DPYD: variants seen among roughly 807,000 people sequenced by gnomAD.
DPYD encodes the protein dihydropyrimidine dehydrogenase [NADP(+)].
In DPYD, 109 loss-of-function variants were observed where a neutral mutation model predicts 116.2. The observed-to-expected ratio is 0.94, with a 90% CI of 0.80 to 1.10. The LOEUF (loss-of-function observed/expected upper bound fraction) is 1.10, where lower values mean the gene tolerates loss of function less well. Among genes scored for constraint, DPYD ranks in the 50% least tolerant of loss-of-function variants. The pLI is 0.00. For missense variants in DPYD, 1,302 were observed against 1,254.5 expected (o/e 1.04, Z -0.57); for synonymous variants, 440 against 432.0 (o/e 1.02, Z -0.23).
At chr1:97,497,320 C>CT (rs1162087050) in intron 13 of DPYD, among the ~76,000 whole-genome samples, 2 of 151,974 alleles carry the variant, frequency 1.3e-5, no homozygotes, top group East Asian at 3.9e-4. Context: ...TCCTGTAACA[C>CT]TTTCTTCCAA....
intron 11 of DPYD, among the ~76,000 whole-genome samples, chr1:97,567,874 C>CT (rs34884630): frequency 3.3e-5 from 5 of 149,900 alleles, no homozygotes; most frequent in African/African-American, 4.9e-5. Flanking sequence ...ATGGAGATTT[C>CT]TTTTTTTTTT....
At chr1:97,452,254 C>T (rs1676458216) in intron 13 of DPYD, among the ~76,000 whole-genome samples, 1 of 152,112 alleles carries the variant, frequency 6.6e-6, no homozygotes, top group African/African-American at 2.4e-5. Context: ...CCTCAATTGG[C>T]ATTCTTACTA....
chr1:97,736,987 T>C (rs1310626480), intron 4 of DPYD, among the ~76,000 whole-genome samples: 2 of 152,020 alleles, frequency 1.3e-5, no homozygotes, highest in Admixed American at 6.6e-5. Flanking sequence ...TCACCACTAG[T>C]AGTCATTACC....
chr1:97,883,151 T>C (rs1672311260), intron 2 of DPYD, 113 bp downstream of exon 2: 1 of 661,896 alleles, frequency 1.5e-6, no homozygotes, highest in African/African-American at 1.8e-5. Flanking sequence ...AAAATATTTT[T>C]AAAATCACGG....
intron 3 of DPYD, among the ~76,000 whole-genome samples, chr1:97,823,864 CTTTTTTTT>C (rs56673700): frequency 2.4e-5 from 2 of 81,716 alleles, no homozygotes; most frequent in South Asian, 6.2e-4. Context: ...ACTACAAAGT[CTTTTTTTT>C]TTTTTTTTTT....
At chr1:97,350,769 T>C (rs1461005460) in intron 16 of DPYD, among the ~76,000 whole-genome samples, 1 of 152,188 alleles carries the variant, frequency 6.6e-6, no homozygotes, top group Non-Finnish European at 1.5e-5. Flanking sequence ...ACCCAAGTGT[T>C]TATGTTATAA....
intron 18 of DPYD, among the ~76,000 whole-genome samples, chr1:97,283,495 T>C (rs1665461677): frequency 6.6e-6 from 1 of 152,140 alleles, no homozygotes; most frequent in African/African-American, 2.4e-5. Flanking sequence ...AAAGTAATTT[T>C]ATGTGTCTTA....
intron 20 of DPYD, among the ~76,000 whole-genome samples, chr1:97,122,821 T>A (rs985657681): frequency 1.3e-5 from 2 of 152,152 alleles, no homozygotes; most frequent in Non-Finnish European, 2.9e-5. Context: ...TTATTTTTTT[T>A]TCCTGAATAT....
Position 97,721,667 on chromosome 1 carries a change from T to G in DPYD, c.326A>C (p.Tyr109Ser), listed in dbSNP as rs1312400771. 6.2e-7 allele frequency: 1 copy of G among 1,610,914 alleles called. No individual in the cohort carries two copies. Among genetic ancestry groups the G allele is most frequent in the East Asian group, 2.2e-5 (1 of 44,792 alleles). Reference sequence around the variant, plus strand: ...AAATATCATCTTAGCAGCTCCATAATAGTTCTGCAAAATTAATACAAAATA... The same window carrying G: ...AAATATCATCTTAGCAGCTCCATAAGAGTTCTGCAAAATTAATACAAAATA... ...SFITSIANKN[Y>S]YGAAKMIFSD... The change falls in exon 5 of 23, where the codon TAT (tyrosine) becomes TCT (serine). Residue 109 changes from tyrosine (Y) to serine (S), a missense_variant. Tyr to Ser is a moderately radical substitution (Grantham distance 144). Transcript: ENST00000370192.
chr1:97,381,227 T>C (rs1221978294), intron 15 of DPYD, among the ~76,000 whole-genome samples: 1 of 152,114 alleles, frequency 6.6e-6, no homozygotes, highest in African/African-American at 2.4e-5. Context: ...AAGAAAAATA[T>C]GAAATGTGAA....
intron 18 of DPYD, chr1:97,295,832 A>G (rs1049660716): frequency 1.4e-4 from 120 of 841,348 alleles, no homozygotes; most frequent in Non-Finnish European, 1.6e-4. Context: ...AAGTTGTGTG[A>G]AGATTAAGTG....
intron 16 of DPYD, among the ~76,000 whole-genome samples, chr1:97,347,277 C>T (rs1406778615): frequency 6.6e-6 from 1 of 151,862 alleles, no homozygotes; most frequent in Non-Finnish European, 1.5e-5. Flanking sequence ...TCTTTGATCA[C>T]TTTAAGGAAG....
At chr1:97,167,168 A>C (rs1656385712) in intron 20 of DPYD, among the ~76,000 whole-genome samples, 1 of 152,170 alleles carries the variant, frequency 6.6e-6, no homozygotes, top group Non-Finnish European at 1.5e-5. Flanking sequence ...TATCCCATTA[A>C]AAGTGTACAT....
At chr1:97,584,024 C>T (rs1351008005) in intron 10 of DPYD, among the ~76,000 whole-genome samples, 1 of 152,148 alleles carries the variant, frequency 6.6e-6, no homozygotes, top group Non-Finnish European at 1.5e-5. Flanking sequence ...AGTTTACAGT[C>T]CCACGAACAG....
At chr1:97,129,776 T>C (rs1653137121) in intron 20 of DPYD, among the ~76,000 whole-genome samples, 1 of 152,200 alleles carries the variant, frequency 6.6e-6, no homozygotes, top group South Asian at 2.1e-4. Flanking sequence ...GTAGCATTTT[T>C]ATTCTGCTTT....
intron 13 of DPYD, among the ~76,000 whole-genome samples, chr1:97,454,954 T>C (rs1676603676): frequency 6.6e-6 from 1 of 151,858 alleles, no homozygotes; most frequent in Non-Finnish European, 1.5e-5. Context: ...GGATGAATTT[T>C]ATAAACATCT....
chr1:97,602,361 A>G (rs957498767), intron 8 of DPYD, among the ~76,000 whole-genome samples: 3 of 152,004 alleles, frequency 2.0e-5, no homozygotes, highest in Non-Finnish European at 1.5e-5. Context: ...GTTAGAACTT[A>G]TATCAGACTT....
intron 10 of DPYD, among the ~76,000 whole-genome samples, chr1:97,583,088 C>G (rs1653809987): frequency 6.6e-6 from 1 of 152,080 alleles, no homozygotes; most frequent in African/African-American, 2.4e-5. Context: ...CCTGTCTCAG[C>G]CTCCCGAGTA....
chr1:97,338,130 C>T (rs1322674679), intron 16 of DPYD, among the ~76,000 whole-genome samples: 1 of 152,154 alleles, frequency 6.6e-6, no homozygotes, highest in Non-Finnish European at 1.5e-5. Flanking sequence ...ATTATTTTCA[C>T]CTGCCACTTT....
Sources: allele counts gnomAD v4.1 joint callset (sites outside exome capture counted in the v4.1 genomes callset), GRCh38; gene constraint gnomAD v4.1.1; transcripts MANE v1.5; gene names NCBI Gene and HGNC (gene_info 2026-07-23, HGNC 2026-07-21).